NPAS3: variants seen among roughly 807,000 people sequenced by gnomAD.
NPAS3 encodes the protein neuronal PAS domain-containing protein 3.
Under a neutral mutation model 73.1 loss-of-function variants are expected in NPAS3, and 14 were observed. The ratio of observed to expected loss-of-function variants is 0.19; its 90% CI spans 0.13 to 0.30. The LOEUF (loss-of-function observed/expected upper bound fraction) is 0.30, where lower values mean the gene tolerates loss of function less well. Ranked by LOEUF, NPAS3 falls within the 10% of genes least tolerant of loss-of-function variation. The pLI is 1.00. For synonymous variants in NPAS3, 620 were observed against 541.5 expected, an observed-to-expected ratio of 1.14 and a Z score of -2.01; for missense variants, 1,096 against 1,250.0, an observed-to-expected ratio of 0.88 and a Z score of 1.86.
At chr14:33,215,539 A>T in intron 3 of NPAS3, 113 bp downstream of exon 3, 1 of 1,204,012 alleles carries the variant, frequency 8.3e-7, no homozygotes, top group Non-Finnish European at 1.2e-6. Context: ...CTTTAAAGGG[A>T]TACAAATGTG....
intron 2 of NPAS3, among the ~76,000 whole-genome samples, chr14:33,145,405 T>C (rs1683696390): frequency 6.6e-6 from 1 of 152,212 alleles, no homozygotes; most frequent in Non-Finnish European, 1.5e-5. Flanking sequence ...CTCCTTTGAT[T>C]TGAAACCTTT....
intron 1 of NPAS3, among the ~76,000 whole-genome samples, chr14:32,989,910 C>T (rs1176955180): frequency 6.6e-6 from 1 of 152,070 alleles, no homozygotes; most frequent in Non-Finnish European, 1.5e-5. Context: ...TTATTCCAGG[C>T]AAGACTTGGT....
intron 2 of NPAS3, among the ~76,000 whole-genome samples, chr14:33,181,232 G>A (rs940464618): frequency 4.4e-4 from 67 of 152,190 alleles, no homozygotes; most frequent in Admixed American, 2.5e-3. Context: ...TAGAAGTATT[G>A]TGCAGTTGTG....
intron 1 of NPAS3, among the ~76,000 whole-genome samples, chr14:32,953,918 T>G (rs2036579422): frequency 6.6e-6 from 1 of 152,166 alleles, no homozygotes; most frequent in African/African-American, 2.4e-5. Flanking sequence ...CTGTACAGCC[T>G]TAATTAGGCC....
At chr14:33,517,647 G>C (rs1242944602) in intron 4 of NPAS3, among the ~76,000 whole-genome samples, 1 of 152,002 alleles carries the variant, frequency 6.6e-6, no homozygotes, top group Non-Finnish European at 1.5e-5. Flanking sequence ...TCTTGGTCCT[G>C]TCCTTTTAGC....
At chr14:33,136,926 C>T (rs2043863649) in intron 2 of NPAS3, among the ~76,000 whole-genome samples, 1 of 152,102 alleles carries the variant, frequency 6.6e-6, no homozygotes. Context: ...AAGGACCAGG[C>T]TTAAATTTAT....
intron 5 of NPAS3, among the ~76,000 whole-genome samples, chr14:33,657,169 T>G (rs2059167634): frequency 6.6e-6 from 1 of 152,238 alleles, no homozygotes; most frequent in Non-Finnish European, 1.5e-5. Context: ...AGAAACAGAC[T>G]GATTTATAGC....
intron 4 of NPAS3, among the ~76,000 whole-genome samples, chr14:33,488,913 G>A (rs749267635): frequency 2.0e-5 from 3 of 152,190 alleles, no homozygotes; most frequent in South Asian, 2.1e-4. Context: ...AAGTGTGAAC[G>A]TGGGCAGTGA....
chr14:33,626,651 A>G (rs1361941896), intron 5 of NPAS3, among the ~76,000 whole-genome samples: 1 of 152,152 alleles, frequency 6.6e-6, no homozygotes, highest in Non-Finnish European at 1.5e-5. Context: ...TATTTACTGA[A>G]CACCCACCAT....
At position 33,447,393 on chromosome 14, in the gene NPAS3, C is replaced by T. The variant is rs146399805; in HGVS notation, c.468+80125C>T. The stretch of plus-strand genomic sequence containing the variant: ...TGCTGTGAGTGTGTGTGTGGGCGCA[C>T]GCACGCATTTGTAGGAGGTAGGGAG... On this transcript the variant is annotated intron_variant, in intron 4 of 11. Coordinates refer to ENST00000356141, the Ensembl canonical transcript of NPAS3. 7.1e-4 allele frequency among the ~76,000 whole-genome samples: 108 copies of T among 152,160 alleles called. 1 individual carries two copies. The highest frequency in any genetic ancestry group is 2.3e-3 in the East Asian group (12 of 5,178).
In NPAS3 at chr14:33,371,221, C is replaced by T. The variant is rs188583511; in HGVS notation, c.468+3953C>T. 7.9e-5 allele frequency among the ~76,000 whole-genome samples: 12 copies of T among 152,180 alleles called. No homozygotes were observed. In the East Asian group the frequency reaches 2.3e-3, roughly 29 times the overall value. On this transcript the variant is annotated intron_variant, in intron 4 of 11. Transcript: ENST00000356141. Reference sequence around the variant, plus strand: ...GCTAAGGATAAATCCTTTAGTAGGGCAAATCCTGAAGAGATGTCATAGGTT... The same window carrying T: ...GCTAAGGATAAATCCTTTAGTAGGGTAAATCCTGAAGAGATGTCATAGGTT...
intron 3 of NPAS3, among the ~76,000 whole-genome samples, chr14:33,318,574 G>A (rs1035151037): frequency 6.6e-6 from 1 of 152,094 alleles, no homozygotes; most frequent in East Asian, 1.9e-4. Context: ...GTGTGTATGT[G>A]TTCATGCTTA....
chr14:33,731,140 G>C (rs761778106), intron 6 of NPAS3, among the ~76,000 whole-genome samples: 5 of 152,050 alleles, frequency 3.3e-5, no homozygotes, highest in African/African-American at 1.2e-4. Flanking sequence ...GAAAAAGAAA[G>C]GTTCTTGGCT....
intron 2 of NPAS3, among the ~76,000 whole-genome samples, chr14:33,207,265 ACG>A (rs546030590): frequency 0.19 from 1,368 of 7,080 alleles, 18 homozygotes; most frequent in African/African-American, 0.26. Flanking sequence ...ACACACACAC[ACG>A]CACACACACA....
At chr14:33,303,899 CTTTGTTTTTGTT>C (rs200495898) in intron 3 of NPAS3, among the ~76,000 whole-genome samples, 2 of 151,978 alleles carry the variant, frequency 1.3e-5, no homozygotes, top group Non-Finnish European at 2.9e-5. Flanking sequence ...CACTACCAAG[CTTTGTTTTTGTT>C]TTTGTTTTTG....
intron 7 of NPAS3, among the ~76,000 whole-genome samples, chr14:33,770,079 A>T (rs1487114765): frequency 2.0e-5 from 3 of 151,976 alleles, no homozygotes; most frequent in Non-Finnish European, 4.4e-5. Flanking sequence ...AAACTTTAAA[A>T]ATGTCTATGA....
At position 33,316,640 on chromosome 14, in the gene NPAS3, C is replaced by A. The variant is rs528236435; in HGVS notation, c.386-50546C>A. 2.6e-5 allele frequency among the ~76,000 whole-genome samples: 4 copies of A among 152,148 alleles called. No individual in the cohort carries two copies. The South Asian group carries it at 8.3e-4, about 32-fold the overall frequency. On this transcript the variant is annotated intron_variant, in intron 3 of 11. Transcript: ENST00000356141. ...AGCCCTTGTTATATTCTTATCTGGACCATTGAGTATCATGAGGAGAGGCAC... is the reference window on the plus strand; with the variant it reads ...AGCCCTTGTTATATTCTTATCTGGAACATTGAGTATCATGAGGAGAGGCAC...
At chr14:33,163,795 T>C (rs1367963708) in intron 2 of NPAS3, among the ~76,000 whole-genome samples, 1 of 152,176 alleles carries the variant, frequency 6.6e-6, no homozygotes, top group Admixed American at 6.5e-5. Flanking sequence ...TAAGAGATTT[T>C]ATTCCAGGCC....
At chr14:33,111,910 C>T (rs1175639140) in intron 2 of NPAS3, among the ~76,000 whole-genome samples, 1 of 149,314 alleles carries the variant, frequency 6.7e-6, no homozygotes, top group Non-Finnish European at 1.5e-5. Flanking sequence ...TGAGTGAGAA[C>T]ATGCGGTGTT....
Sources: gnomAD v4.1 joint callset for allele counts (sites outside exome capture counted in the v4.1 genomes callset) on GRCh38, gnomAD v4.1.1 for gene constraint, MANE v1.5 for transcripts, NCBI Gene and HGNC (gene_info 2026-07-23, HGNC 2026-07-21) for gene names.